CDC42SE2: variants seen among roughly 807,000 people sequenced by gnomAD.
The protein encoded by CDC42SE2 is CDC42 small effector protein 2.
CDC42SE2 carries 3 observed loss-of-function variants against 11.5 expected under a neutral mutation model. The observed-to-expected ratio is 0.26, with a 90% CI of 0.12 to 0.67. The LOEUF (loss-of-function observed/expected upper bound fraction) is 0.67. CDC42SE2 is among the 30% of genes least tolerant of loss of function. CDC42SE2 has a pLI of 0.80. For synonymous variants in CDC42SE2, 33 were observed against 34.8 expected, an observed-to-expected ratio of 0.95 and a Z score of 0.18; for missense variants, 82 against 106.8, an observed-to-expected ratio of 0.77 and a Z score of 1.02.
chr5:131,376,450 C>G (rs568810816), intron 3 of CDC42SE2, among the ~76,000 whole-genome samples: 78 of 152,182 alleles, frequency 5.1e-4, no homozygotes, highest in African/African-American at 1.6e-3. Flanking sequence ...TATAAGTACT[C>G]TTTATTACCC....
chr5:131,285,002 C>A (rs1044017511), intron 1 of CDC42SE2, among the ~76,000 whole-genome samples: 2 of 151,434 alleles, frequency 1.3e-5, no homozygotes, highest in African/African-American at 4.9e-5. Flanking sequence ...AAAAACAAAA[C>A]CCAGACCAGG....
chr5:131,283,802 C>G (rs1184173302), intron 1 of CDC42SE2, among the ~76,000 whole-genome samples: 1 of 152,104 alleles, frequency 6.6e-6, no homozygotes, highest in Non-Finnish European at 1.5e-5. Flanking sequence ...CCATCATTCT[C>G]TTTTATGGCT....
the CDC42SE2 span, among the ~76,000 whole-genome samples, chr5:131,226,968 AT>A: frequency 4.6e-5 from 7 of 152,222 alleles, no homozygotes; most frequent in Admixed American, 3.3e-4. Flanking sequence ...TTTAGAGCTT[AT>A]CTGAGTTACT....
intron 1 of CDC42SE2, among the ~76,000 whole-genome samples, chr5:131,307,653 C>G (rs1003552764): frequency 1.3e-5 from 2 of 152,144 alleles, no homozygotes; most frequent in East Asian, 3.9e-4. Flanking sequence ...CTGACTTCCA[C>G]AATGGTTGAA....
chr5:131,327,294 T>A (rs1309825103), intron 2 of CDC42SE2, among the ~76,000 whole-genome samples: 1 of 152,218 alleles, frequency 6.6e-6, no homozygotes, highest in Non-Finnish European at 1.5e-5. Context: ...TTCTCATACG[T>A]TCTTTTAATG....
chr5:131,222,156 A>T, the CDC42SE2 span, among the ~76,000 whole-genome samples: 2 of 152,250 alleles, frequency 1.3e-5, no homozygotes, highest in African/African-American at 4.8e-5. Flanking sequence ...TTCTACTTTA[A>T]TATATCTGTG....
chr5:131,245,004 A>G (rs952610922), upstream of CDC42SE2, among the ~76,000 whole-genome samples: 2 of 152,222 alleles, frequency 1.3e-5, no homozygotes, highest in Admixed American at 1.3e-4. Context: ...AGTGGTTACC[A>G]GTGGCTGCTC....
intron 1 of CDC42SE2, among the ~76,000 whole-genome samples, chr5:131,308,426 A>G (rs1174973797): frequency 6.6e-6 from 1 of 152,008 alleles, no homozygotes; most frequent in Admixed American, 6.6e-5. Flanking sequence ...TTGGTGATGC[A>G]GGCTCTTTTT....
rs955690923 is a variant in CDC42SE2, at chr5:131,245,779, A to G, written n.107+180A>G. 7.9e-5 allele frequency among the ~76,000 whole-genome samples: 12 copies of G among 152,340 alleles called. No homozygotes were observed. In the East Asian group the frequency reaches 2.3e-3, roughly 29 times the overall value. ...CCTGTTTCTACTTTTATTAAAAGTA[A>G]CATTCCTTGAACATCAGAATTTATG... On this transcript the variant is annotated intron_variant and non_coding_transcript_variant, in intron 1 of 3. Transcript: ENST00000502840.
chr5:131,363,155 G>C (rs1014611132), intron 3 of CDC42SE2, among the ~76,000 whole-genome samples: 1 of 149,338 alleles, frequency 6.7e-6, no homozygotes, highest in South Asian at 2.1e-4. Flanking sequence ...AAAAAAAAAA[G>C]ATTTATTAGC....
At chr5:131,351,444 C>T (rs382216) in intron 2 of CDC42SE2, among the ~76,000 whole-genome samples, 52,420 of 151,932 alleles carry the variant, frequency 0.35, 9,797 homozygotes, top group East Asian at 0.49. Flanking sequence ...TTAGCAGAGA[C>T]GGGGTTTCAC....
At chr5:131,338,119 T>A (rs1006048492) in intron 2 of CDC42SE2, among the ~76,000 whole-genome samples, 43 of 152,318 alleles carry the variant, frequency 2.8e-4, no homozygotes, top group African/African-American at 1.0e-3. Context: ...GAACATTTTT[T>A]AAAAAGTTAT....
At chr5:131,386,563 G>A (rs1426390513) in intron 4 of CDC42SE2, among the ~76,000 whole-genome samples, 1 of 152,174 alleles carries the variant, frequency 6.6e-6, no homozygotes, top group African/African-American at 2.4e-5. Flanking sequence ...TTTTAATAGA[G>A]GTTTCAGTGA....
At position 131,392,775 on chromosome 5, in the gene CDC42SE2, G is replaced by A. The variant is rs1750702315; in HGVS notation, c.*1684G>A. On this transcript the variant is annotated 3_prime_UTR_variant, in exon 5 of 5. Transcript: ENST00000505065. ...TCTTTTATTTTTACTTCTTTTTAAT[G>A]TTATGGTATCCAGTTGTTTCCAGTA... 1 of 152,242 alleles carries A rather than the reference G, an allele frequency of 6.6e-6. No individual in the cohort carries two copies. Among genetic ancestry groups the A allele is most frequent in the Admixed American group, 6.5e-5 (1 of 15,272 alleles). The allele number at this position is 152,242 out of a possible 1,614,324, so 9.4% of individuals were successfully genotyped here. A position where few individuals can be genotyped will look rare whatever the true frequency, so the allele number is the denominator to read the frequency against.
chr5:131,310,531 A>G (rs538910779), intron 1 of CDC42SE2, among the ~76,000 whole-genome samples: 1 of 151,952 alleles, frequency 6.6e-6, no homozygotes, highest in Admixed American at 6.5e-5. Flanking sequence ...TGATCTGTCT[A>G]ATGTTGACAG....
At position 131,345,626 on chromosome 5, in the gene CDC42SE2, T is replaced by C. The variant is rs149622553; in HGVS notation, c.-285-13583T>C. 4.9e-3 allele frequency among the ~76,000 whole-genome samples: 747 copies of C among 152,186 alleles called. 10 individuals carry two copies. The highest frequency in any genetic ancestry group is 0.017 in the African/African-American group (707 of 41,500). On this transcript the variant is annotated intron_variant, in intron 2 of 4. Coordinates refer to ENST00000505065, the MANE Select transcript of CDC42SE2 (RefSeq NM_001375635.1). Reference sequence around the variant, plus strand: ...CCAACCTAGCAAGGCAGGCCAACATTCAAATTCAGGAAATACAGAGAATGC... The same window carrying C: ...CCAACCTAGCAAGGCAGGCCAACATCCAAATTCAGGAAATACAGAGAATGC...
chr5:131,343,572 TGTG>T (rs1381712754), intron 2 of CDC42SE2, among the ~76,000 whole-genome samples: 16 of 151,496 alleles, frequency 1.1e-4, no homozygotes, highest in Middle Eastern at 3.5e-3. Context: ...ATTAGCCAGG[TGTG>T]GTGGTGCATG....
intron 1 of CDC42SE2, among the ~76,000 whole-genome samples, chr5:131,308,732 T>G (rs1467337692): frequency 1.3e-5 from 2 of 148,614 alleles, no homozygotes; most frequent in Non-Finnish European, 3.0e-5. Flanking sequence ...TCACTCATGA[T>G]TTGGCTCTCT....
intron 3 of CDC42SE2, among the ~76,000 whole-genome samples, chr5:131,361,868 G>A (rs934664057): frequency 2.0e-5 from 3 of 152,128 alleles, no homozygotes; most frequent in African/African-American, 7.2e-5. Context: ...CTGTTGGTGT[G>A]CTCTTGTGCA....
Sources: gnomAD v4.1 joint callset for allele counts (sites outside exome capture counted in the v4.1 genomes callset) on GRCh38, gnomAD v4.1.1 for gene constraint, MANE v1.5 for transcripts, NCBI Gene and HGNC (gene_info 2026-07-23, HGNC 2026-07-21) for gene names.